Variants in GFRA1 observed in about 807,000 individuals in gnomAD.
GFRA1 encodes GDNF family receptor alpha-1.
In GFRA1, 16 loss-of-function variants were observed where a neutral mutation model predicts 51.6. The ratio of observed to expected loss-of-function variants is 0.31; its 90% CI spans 0.21 to 0.47. GFRA1 has a LOEUF of 0.47. Among genes scored for constraint, GFRA1 ranks in the 20% least tolerant of loss-of-function variants. GFRA1 has a pLI of 1.00. For synonymous variants in GFRA1, 270 were observed against 241.3 expected, an observed-to-expected ratio of 1.12 and a Z score of -1.10; for missense variants, 530 against 594.3, an observed-to-expected ratio of 0.89 and a Z score of 1.13.
intron 4 of GFRA1, among the ~76,000 whole-genome samples, chr10:116,249,672 A>G (rs1403024788): frequency 6.6e-6 from 1 of 152,188 alleles, no homozygotes; most frequent in East Asian, 1.9e-4. Flanking sequence ...TTTAGTAAGC[A>G]TCTTCTACCT....
intron 5 of GFRA1, among the ~76,000 whole-genome samples, chr10:116,129,075 AG>A (rs1167689868): frequency 6.6e-6 from 1 of 152,186 alleles, no homozygotes; most frequent in Non-Finnish European, 1.5e-5. Context: ...GAATATTCAA[AG>A]GGGAAAAAAC....
intron 5 of GFRA1, among the ~76,000 whole-genome samples, chr10:116,192,745 C>T (rs1963386387): frequency 6.6e-6 from 1 of 152,100 alleles, no homozygotes; most frequent in South Asian, 2.1e-4. Context: ...CGGGGCTGAA[C>T]CCTCCACAGT....
In GFRA1 at chr10:116,272,239, G is replaced by A; in HGVS notation, c.-210C>T. 1.6e-6 allele frequency: 1 copy of A among 615,216 alleles called. No homozygotes were observed. Among genetic ancestry groups the A allele is most frequent in the Non-Finnish European group, 2.9e-6 (1 of 345,852 alleles). 38.1% of individuals were successfully genotyped at this position (615,216 alleles called of 1,614,324 possible). A position where few individuals can be genotyped will look rare whatever the true frequency, so the allele number is the denominator to read the frequency against. ...CAGCTCCGGGATGGCGAGGGCGGGAGGCGGTTCCGCTTTTAGGGGTTCAGG... is the reference window on the plus strand; with the variant it reads ...CAGCTCCGGGATGGCGAGGGCGGGAAGCGGTTCCGCTTTTAGGGGTTCAGG... On this transcript the variant is annotated 5_prime_UTR_variant, in exon 2 of 11. Transcript: ENST00000355422. The surrounding 1 kb of genome is among the most constrained non-coding windows in gnomAD (Gnocchi z 4.4).
intron 5 of GFRA1, among the ~76,000 whole-genome samples, chr10:116,145,604 A>G (rs148161870): frequency 1.6e-4 from 24 of 152,366 alleles, no homozygotes; most frequent in African/African-American, 5.5e-4. Context: ...TTCCAACTAC[A>G]TAAACTTATG....
At chr10:116,099,947 T>C (rs1448508202) in intron 6 of GFRA1, among the ~76,000 whole-genome samples, 1 of 152,214 alleles carries the variant, frequency 6.6e-6, no homozygotes, top group East Asian at 1.9e-4. Flanking sequence ...CCTAATTCTG[T>C]AGTCAAGGAA....
Position 116,272,188 on chromosome 10 carries a change from G to A in GFRA1, c.-159C>T, listed in dbSNP as rs1054395112. ...CAGTGAAAGAGGAAACTCCGGGTCT[G>A]GCAGCAGCCACCGCCGCCGGCGACT... On this transcript the variant is annotated 5_prime_UTR_variant, in exon 2 of 11. Coordinates refer to ENST00000355422, the MANE Select transcript of GFRA1 (RefSeq NM_005264.8). The surrounding 1 kb of genome is among the most constrained non-coding windows in gnomAD (Gnocchi z 4.4). 1 of 704,614 alleles carries A rather than the reference G, an allele frequency of 1.4e-6. No individual in the cohort carries two copies. The highest frequency in any genetic ancestry group is 2.4e-6 in the Non-Finnish European group (1 of 409,372). 43.6% of individuals were successfully genotyped at this position (704,614 alleles called of 1,614,324 possible).
chr10:116,117,414 T>C (rs1300647371), intron 6 of GFRA1, among the ~76,000 whole-genome samples: 3 of 152,034 alleles, frequency 2.0e-5, no homozygotes, highest in Non-Finnish European at 2.9e-5. Context: ...TGTCCCTTCC[T>C]GCCAGAGACT....
At chr10:116,217,520 A>C (rs1378276790) in intron 4 of GFRA1, among the ~76,000 whole-genome samples, 1 of 152,268 alleles carries the variant, frequency 6.6e-6, no homozygotes, top group Non-Finnish European at 1.5e-5. Context: ...GAGGATAATA[A>C]AATTTATCTT....
intron 9 of GFRA1, among the ~76,000 whole-genome samples, chr10:116,073,262 G>A (rs1955480641): frequency 6.6e-6 from 1 of 152,206 alleles, no homozygotes; most frequent in Admixed American, 6.5e-5. Flanking sequence ...TGCAGACTCT[G>A]TCTACAGCAT....
chr10:116,081,310 G>A (rs1411671238), intron 9 of GFRA1, among the ~76,000 whole-genome samples: 3 of 152,102 alleles, frequency 2.0e-5, no homozygotes, highest in East Asian at 1.9e-4. Flanking sequence ...GTTGTACTGC[G>A]GTCTACCAGT....
chr10:116,131,904 GAAAAAAAAA>G (rs71010066), intron 5 of GFRA1, among the ~76,000 whole-genome samples: 2 of 100,174 alleles, frequency 2.0e-5, no homozygotes, highest in Non-Finnish European at 4.1e-5. Flanking sequence ...ATCTCAAAAG[GAAAAAAAAA>G]AAAAAAAAAA....
intron 4 of GFRA1, among the ~76,000 whole-genome samples, chr10:116,237,953 C>G (rs1035495364): frequency 7.9e-5 from 12 of 152,164 alleles, no homozygotes; most frequent in Admixed American, 7.9e-4. Flanking sequence ...AGCATCAGCG[C>G]TGATTAGACA....
rs1233781667 is a variant in GFRA1 at position 116,115,051 on chromosome 10, C to T, written c.770+10170G>A. 2.0e-5 allele frequency among the ~76,000 whole-genome samples: 3 copies of T among 152,284 alleles called. No homozygotes were observed. In the East Asian group the frequency reaches 5.8e-4, roughly 29 times the overall value. The stretch of plus-strand genomic sequence containing the variant: ...CAACTACTGGGGAAGGGAAAACAAT[C>T]CCAAGACTCCAGCATGGTATGGTAC... On this transcript the variant is annotated intron_variant, in intron 6 of 10. Transcript: ENST00000355422.
chr10:116,137,847 G>T (rs1958397431), intron 5 of GFRA1, among the ~76,000 whole-genome samples: 1 of 152,094 alleles, frequency 6.6e-6, no homozygotes, highest in African/African-American at 2.4e-5. Context: ...TGTTGCCCAG[G>T]CTAGAGTGCA....
intron 4 of GFRA1, among the ~76,000 whole-genome samples, chr10:116,262,225 T>C (rs1969349964): frequency 6.6e-6 from 1 of 152,238 alleles, no homozygotes; most frequent in Non-Finnish European, 1.5e-5. Context: ...ACTGATGTTT[T>C]ATCTCCCTTC....
intron 5 of GFRA1, among the ~76,000 whole-genome samples, chr10:116,138,093 G>A (rs1420678037): frequency 2.0e-5 from 3 of 152,070 alleles, no homozygotes; most frequent in South Asian, 2.1e-4. Flanking sequence ...GAGTCACCGC[G>A]CCCGGCCTGT....
At chr10:116,219,888 A>C (rs1364619307) in intron 4 of GFRA1, among the ~76,000 whole-genome samples, 1 of 152,120 alleles carries the variant, frequency 6.6e-6, no homozygotes, top group Non-Finnish European at 1.5e-5. Context: ...AGTTGTCTAA[A>C]CATCTGGATT....
rs560571749 is a variant in GFRA1 at position 116,171,949 on chromosome 10, C to T, written c.433+39682G>A. The stretch of plus-strand genomic sequence containing the variant: ...CTGTTTAGCCCCGATACAATCATTG[C>T]ATGCCCAGCTTGGTGGTTTTTCTTC... On this transcript the variant is annotated intron_variant, in intron 5 of 10. Transcript: ENST00000355422. 3.9e-5 allele frequency among the ~76,000 whole-genome samples: 6 copies of T among 152,306 alleles called. No homozygotes were observed. In the East Asian group the frequency reaches 9.7e-4, roughly 25 times the overall value.
intron 9 of GFRA1, among the ~76,000 whole-genome samples, chr10:116,074,953 A>G (rs1955552616): frequency 6.6e-6 from 1 of 152,230 alleles, no homozygotes; most frequent in African/African-American, 2.4e-5. Flanking sequence ...AGGTATTCTC[A>G]CAGGTTACCC....
Sources: gnomAD v4.1 joint callset for allele counts (sites outside exome capture counted in the v4.1 genomes callset) on GRCh38, gnomAD v4.1.1 for gene constraint, Gnocchi (gnomAD v3.1) non-coding constraint, MANE v1.5 for transcripts, NCBI Gene and HGNC (gene_info 2026-07-23, HGNC 2026-07-21) for gene names.